UNC13C: variants seen among roughly 807,000 people sequenced by gnomAD.
UNC13C encodes the protein protein unc-13 homolog C.
Under a neutral mutation model 245.4 loss-of-function variants are expected in UNC13C, and 174 were observed. The observed-to-expected ratio is 0.71, with a 90% CI of 0.63 to 0.80. The LOEUF is 0.80. UNC13C is among the 30% of genes least tolerant of loss of function. UNC13C has a pLI of 0.00. For missense variants in UNC13C, 2,829 were observed against 2,602.9 expected, an observed-to-expected ratio of 1.09 and a Z score of -1.89; for synonymous variants, 992 against 895.1, an observed-to-expected ratio of 1.11 and a Z score of -1.93.
chr15:53,970,152 C>G, the UNC13C span, among the ~76,000 whole-genome samples: 37 of 152,102 alleles, frequency 2.4e-4, no homozygotes, highest in Admixed American at 2.2e-3. Flanking sequence ...TTGCTCCAAC[C>G]TTTGCCTCCC....
At chr15:54,323,408 A>C (rs1280172806) in intron 14 of UNC13C, among the ~76,000 whole-genome samples, 1 of 152,018 alleles carries the variant, frequency 6.6e-6, no homozygotes, top group Non-Finnish European at 1.5e-5. Context: ...TTTTTGTTGA[A>C]ATTTAGCAAG....
At chr15:54,095,663 T>C (rs1193559734) in intron 2 of UNC13C, among the ~76,000 whole-genome samples, 1 of 152,198 alleles carries the variant, frequency 6.6e-6, no homozygotes, top group Non-Finnish European at 1.5e-5. Flanking sequence ...CCAGGCGATT[T>C]ATATTCACAG....
At chr15:54,502,647 A>T (rs913158791) in intron 22 of UNC13C, among the ~76,000 whole-genome samples, 4 of 152,296 alleles carry the variant, frequency 2.6e-5, no homozygotes, top group African/African-American at 9.6e-5. Context: ...ATAGTGTTTG[A>T]CAAAGTATGT....
chr15:54,042,808 G>A (rs866327709), intron 2 of UNC13C, among the ~76,000 whole-genome samples: 19 of 152,026 alleles, frequency 1.2e-4, no homozygotes, highest in South Asian at 4.1e-4. Flanking sequence ...AGCCGAGATC[G>A]TGCCACTGCA....
At chr15:54,273,066 A>G (rs533935015) in intron 10 of UNC13C, among the ~76,000 whole-genome samples, 22 of 152,302 alleles carry the variant, frequency 1.4e-4, no homozygotes, top group African/African-American at 5.3e-4. Flanking sequence ...ACAAACAGCA[A>G]TCTTTGTGGG....
chr15:54,419,308 A>G (rs2140956979), intron 19 of UNC13C, among the ~76,000 whole-genome samples: 1 of 152,278 alleles, frequency 6.6e-6, no homozygotes, highest in East Asian at 1.9e-4. Flanking sequence ...AATCAAATGG[A>G]AAGAACAGGA....
In UNC13C at chr15:54,627,150, T is replaced by C. The variant is rs765421439; in HGVS notation, c.*37T>C. ...CAAGCTAAATACATAACTATAATTG[T>C]TTGACTACTGCATGCATGTGCAAAT... On this transcript the variant is annotated 3_prime_UTR_variant, in exon 33 of 33. Transcript: ENST00000260323. 6 of 1,562,896 alleles carry C rather than the reference T, an allele frequency of 3.8e-6. No homozygotes were observed.
chr15:54,358,789 T>G (rs2140859028), intron 17 of UNC13C, among the ~76,000 whole-genome samples: 1 of 152,208 alleles, frequency 6.6e-6, no homozygotes, highest in Admixed American at 6.5e-5. Context: ...TCCTATCCAA[T>G]TTGGATGCCC....
In UNC13C at chr15:54,456,082, T is replaced by A. The variant is rs867631152; in HGVS notation, c.4934-38526T>A. On this transcript the variant is annotated intron_variant, in intron 19 of 32. Coordinates refer to ENST00000260323, the MANE Select transcript of UNC13C (RefSeq NM_001080534.3). ...GAAGATCCAGTTTTATTCTTCTACT[T>A]GTGGCTTGCCAATTATCCCAGCACC... is the stretch of plus-strand genomic sequence containing the variant. Among the ~76,000 whole-genome samples, 5 of 152,202 alleles carry A rather than the reference T, an allele frequency of 3.3e-5. No homozygotes were observed. In the South Asian group the frequency reaches 8.3e-4, roughly 25 times the overall value.
intron 30 of UNC13C, among the ~76,000 whole-genome samples, chr15:54,586,848 C>T (rs1898518245): frequency 6.6e-6 from 1 of 152,200 alleles, no homozygotes; most frequent in South Asian, 2.1e-4. Context: ...TAAATCGTTG[C>T]ATTCCTGATA....
intron 30 of UNC13C, among the ~76,000 whole-genome samples, chr15:54,583,877 G>A (rs1336497253): frequency 1.3e-5 from 2 of 152,176 alleles, no homozygotes; most frequent in African/African-American, 4.8e-5. Context: ...CTGTGAATAA[G>A]TCCTGCTTCC....
chr15:53,894,567 G>A, the UNC13C span, among the ~76,000 whole-genome samples: 1 of 152,190 alleles, frequency 6.6e-6, no homozygotes, highest in East Asian at 1.9e-4. Flanking sequence ...CTTACGCCTT[G>A]AATGGAGGCA....
intron 2 of UNC13C, among the ~76,000 whole-genome samples, chr15:54,020,692 A>T (rs7180948): frequency 0.43 from 65,128 of 151,956 alleles, 14,945 homozygotes; most frequent in Non-Finnish European, 0.52. Flanking sequence ...AAAATAGAGC[A>T]ATAAAGATGT....
intron 18 of UNC13C, among the ~76,000 whole-genome samples, chr15:54,395,020 T>C (rs1294948074): frequency 6.6e-6 from 1 of 151,882 alleles, no homozygotes; most frequent in Non-Finnish European, 1.5e-5. Flanking sequence ...ATTTTGTTTT[T>C]AATGTCAGAG....
At chr15:54,147,351 C>T (rs2032307364) in intron 4 of UNC13C, among the ~76,000 whole-genome samples, 1 of 151,928 alleles carries the variant, frequency 6.6e-6, no homozygotes, top group Non-Finnish European at 1.5e-5. Context: ...TCCTGAGTAG[C>T]TGGGACTACA....
intron 14 of UNC13C, among the ~76,000 whole-genome samples, chr15:54,325,967 A>G (rs1173922246): frequency 6.6e-6 from 1 of 151,970 alleles, no homozygotes; most frequent in Non-Finnish European, 1.5e-5. Context: ...GTTAGTTGCA[A>G]GAGTGAGGTT....
intron 4 of UNC13C, among the ~76,000 whole-genome samples, chr15:54,211,893 A>T (rs555552786): frequency 1.4e-4 from 22 of 152,086 alleles, no homozygotes; most frequent in Non-Finnish European, 3.1e-4. Context: ...ATTGATGCCA[A>T]AGTCTTCTCC....
intron 4 of UNC13C, among the ~76,000 whole-genome samples, chr15:54,210,233 C>T (rs1222895511): frequency 2.3e-5 from 2 of 88,510 alleles, no homozygotes. Flanking sequence ...TAGTTAACTG[C>T]ATTAATATAT....
intron 2 of UNC13C, among the ~76,000 whole-genome samples, chr15:54,088,602 T>C (rs1899383796): frequency 6.6e-6 from 1 of 152,200 alleles, no homozygotes; most frequent in Admixed American, 6.5e-5. Flanking sequence ...ACTTCTGGAC[T>C]GTAGCTCTGA....
Sources: gnomAD v4.1 joint callset for allele counts (sites outside exome capture counted in the v4.1 genomes callset) on GRCh38, gnomAD v4.1.1 for gene constraint, MANE v1.5 for transcripts, NCBI Gene and HGNC (gene_info 2026-07-23, HGNC 2026-07-21) for gene names.